BMPR1A: variants seen among roughly 807,000 people sequenced by gnomAD.
BMPR1A encodes the protein bone morphogenetic protein receptor type-1A.
Under a neutral mutation model 66.0 loss-of-function variants are expected in BMPR1A, and 7 were observed. The observed-to-expected ratio is 0.11, with a 90% confidence interval of 0.06 to 0.20. The LOEUF is 0.20. Ranked by LOEUF, BMPR1A falls within the 10% of genes least tolerant of loss-of-function variation. The probability of loss-of-function intolerance (pLI) is 1.00; values close to 1 mark genes in which losing one functional copy is unlikely to be tolerated. For missense variants in BMPR1A, 408 were observed against 669.1 expected, an observed-to-expected ratio of 0.61 and a Z score of 4.31; for synonymous variants, 200 against 229.7, an observed-to-expected ratio of 0.87 and a Z score of 1.17.
At chr10:86,837,892 C>T (rs1297494142) in intron 1 of BMPR1A, among the ~76,000 whole-genome samples, 1 of 152,192 alleles carries the variant, frequency 6.6e-6, no homozygotes, top group Admixed American at 6.5e-5. Flanking sequence ...ACCTGATATG[C>T]TAGACCGTTT....
At chr10:86,816,184 C>G (rs2132971960) in intron 1 of BMPR1A, among the ~76,000 whole-genome samples, 1 of 152,176 alleles carries the variant, frequency 6.6e-6, no homozygotes, top group South Asian at 2.1e-4. Flanking sequence ...TGAAATGTGG[C>G]TAGTCCTAAT....
chr10:86,773,484 T>G (rs888418234), intron 1 of BMPR1A, among the ~76,000 whole-genome samples: 1 of 151,584 alleles, frequency 6.6e-6, no homozygotes, highest in African/African-American at 2.4e-5. Context: ...TCCCAGCTAC[T>G]TGGGAAGCTG....
rs1249266217 is a variant in BMPR1A at position 86,913,258 on chromosome 10, G to A, written c.675+874G>A. On this transcript the variant is annotated intron_variant, in intron 8 of 12. Coordinates refer to ENST00000372037, the MANE Select transcript of BMPR1A (RefSeq NM_004329.3). ...CCCGTCTCAGCCTCCGAAGTAGCTG[G>A]AATTACCAGATGCACCACCACACCA... Among the ~76,000 whole-genome samples the A allele has an allele frequency of 4.0e-5, 6 of 150,396 alleles. No homozygotes were observed. In the East Asian group the frequency reaches 1.2e-3, roughly 30 times the overall value.
chr10:86,796,876 A>G (rs1415899695), intron 1 of BMPR1A, among the ~76,000 whole-genome samples: 1 of 151,724 alleles, frequency 6.6e-6, no homozygotes, highest in Admixed American at 6.6e-5. Flanking sequence ...GTGGTTGGGT[A>G]TTGGGAGTTG....
In BMPR1A at chr10:86,919,297, C is replaced by T. The variant is rs2133591377; in HGVS notation, c.994C>T (p.Leu332Phe). The T allele has an allele frequency of 6.2e-7, 1 of 1,613,986 alleles. No individual in the cohort carries two copies. Among genetic ancestry groups the T allele is most frequent in the Non-Finnish European group, 8.5e-7 (1 of 1,179,880 alleles). Residue 332 changes from leucine (L) to phenylalanine (F), a missense_variant, in exon 10 of 13, where the codon CTT becomes TTT. This residue lies in a region of BMPR1A where 23 missense variants were observed against 17.2 expected (regional missense o/e 1.34). Coordinates refer to ENST00000372037, the MANE Select transcript of BMPR1A (RefSeq NM_004329.3). ...KCATLDTRALLKLAYSAACGL... is the reference protein window; with the variant it reads ...KCATLDTRALFKLAYSAACGL... ...TGCTACACTGGACACCAGAGCCCTG[C>T]TTAAATTGGCTTATTCAGCTGCCTG...
At chr10:86,847,604 C>A (rs1169558826) in intron 2 of BMPR1A, among the ~76,000 whole-genome samples, 3 of 151,930 alleles carry the variant, frequency 2.0e-5, no homozygotes, top group Non-Finnish European at 4.4e-5. Context: ...AATGCCAACA[C>A]TCTGGGAGGC....
chr10:86,768,489 T>G (rs1465277554), intron 1 of BMPR1A, among the ~76,000 whole-genome samples: 1 of 152,212 alleles, frequency 6.6e-6, no homozygotes, highest in Non-Finnish European at 1.5e-5. Context: ...TCTTCCCTGT[T>G]TTTTCTTAGC....
At chr10:86,906,924 T>C (rs1843403011) in intron 7 of BMPR1A, among the ~76,000 whole-genome samples, 1 of 152,104 alleles carries the variant, frequency 6.6e-6, no homozygotes, top group Admixed American at 6.6e-5. Context: ...TATTTTCAAA[T>C]GCACAGATTT....
At chr10:86,866,557 T>C (rs1223236790) in intron 2 of BMPR1A, among the ~76,000 whole-genome samples, 8 of 151,790 alleles carry the variant, frequency 5.3e-5, no homozygotes, top group Admixed American at 4.6e-4. Flanking sequence ...TGCAGGTGCC[T>C]GCCACCACGC....
At chr10:86,838,292 C>G (rs1842379366) in intron 1 of BMPR1A, among the ~76,000 whole-genome samples, 1 of 152,082 alleles carries the variant, frequency 6.6e-6, no homozygotes, top group African/African-American at 2.4e-5. Flanking sequence ...TGAATGCTTG[C>G]CCCTTAAAGG....
intron 2 of BMPR1A, among the ~76,000 whole-genome samples, chr10:86,856,419 T>C (rs1243398708): frequency 6.6e-6 from 1 of 152,198 alleles, no homozygotes; most frequent in African/African-American, 2.4e-5. Context: ...CTGGCCCACG[T>C]TATCTTAAGG....
At chr10:86,764,273 A>T (rs1841127843) in intron 1 of BMPR1A, among the ~76,000 whole-genome samples, 1 of 152,224 alleles carries the variant, frequency 6.6e-6, no homozygotes, top group Non-Finnish European at 1.5e-5. Flanking sequence ...ATTAAAGTAA[A>T]GGCTGTTAAA....
At chr10:86,785,797 C>T (rs1468693619) in intron 1 of BMPR1A, among the ~76,000 whole-genome samples, 7 of 152,132 alleles carry the variant, frequency 4.6e-5, no homozygotes, top group Non-Finnish European at 8.8e-5. Context: ...TATTTGGGTG[C>T]TCTGGTTCTG....
At chr10:86,874,694 A>G (rs565350343) in intron 2 of BMPR1A, among the ~76,000 whole-genome samples, 58 of 140,814 alleles carry the variant, frequency 4.1e-4, no homozygotes, top group African/African-American at 1.6e-3. Context: ...GGCGTGAGTC[A>G]CTGCACCCGA....
rs1221256985 is a variant in BMPR1A, at chr10:86,760,005, G to A, written c.-268+3086G>A. Reference sequence around the variant, plus strand: ...CCCCCACCCCCTAACTCTAAATCAAGTTCTCATCCCACCTGGACTAATGTT... The same window carrying A: ...CCCCCACCCCCTAACTCTAAATCAAATTCTCATCCCACCTGGACTAATGTT... On this transcript the variant is annotated intron_variant, in intron 1 of 12. Coordinates refer to ENST00000372037, the MANE Select transcript of BMPR1A (RefSeq NM_004329.3). Among the ~76,000 whole-genome samples the A allele has an allele frequency of 2.9e-5, 3 of 103,262 alleles. No individual in the cohort carries two copies. In the East Asian group the frequency reaches 1.1e-3, roughly 36 times the overall value. 67.7% of individuals were successfully genotyped at this position (103,262 alleles called of 152,430 possible). A position where few individuals can be genotyped will look rare whatever the true frequency, so the allele number is the denominator to read the frequency against.
chr10:86,897,252 C>A (rs1451605487), intron 5 of BMPR1A, among the ~76,000 whole-genome samples: 1 of 152,170 alleles, frequency 6.6e-6, no homozygotes, highest in Non-Finnish European at 1.5e-5. Context: ...AATTCATATT[C>A]CCCACATAAG....
chr10:86,812,472 A>G (rs1170159114), intron 1 of BMPR1A, among the ~76,000 whole-genome samples: 8 of 152,320 alleles, frequency 5.3e-5, no homozygotes, highest in Non-Finnish European at 1.2e-4. Context: ...GAGCTGCTCT[A>G]TACATTCATG....
Position 86,831,573 on chromosome 10 carries a change from T to G in BMPR1A, c.-267-7292T>G, listed in dbSNP as rs568889321. ...GAATTTGAGACCTGCCTGGGCAACA[T>G]AGAGAGACCTTATTTCTACAAACGA... On this transcript the variant is annotated intron_variant, in intron 1 of 12. Coordinates refer to ENST00000372037, the MANE Select transcript of BMPR1A (RefSeq NM_004329.3). Among the ~76,000 whole-genome samples, 4 of 152,220 alleles carry G rather than the reference T, an allele frequency of 2.6e-5. No homozygotes were observed. In the South Asian group the frequency reaches 8.3e-4, roughly 32 times the overall value.
chr10:86,806,925 C>G (rs1841896147), intron 1 of BMPR1A, among the ~76,000 whole-genome samples: 1 of 151,980 alleles, frequency 6.6e-6, no homozygotes, highest in African/African-American at 2.4e-5. Context: ...CTCTCGTGTC[C>G]TTTGGATATG....
Sources: gnomAD v4.1 joint callset for allele counts (sites outside exome capture counted in the v4.1 genomes callset) on GRCh38, gnomAD v4.1.1 for gene constraint, gnomAD v4.1.1 regional missense constraint, MANE v1.5 for transcripts, NCBI Gene and HGNC (gene_info 2026-07-23, HGNC 2026-07-21) for gene names.